Variants in FOXP2 observed in about 807,000 individuals in gnomAD.
FOXP2 encodes forkhead box protein P2.
Under a neutral mutation model 115.8 loss-of-function variants are expected in FOXP2, and 12 were observed. That is an observed-to-expected ratio of 0.10 (90% CI 0.07 to 0.17). FOXP2 has a LOEUF of 0.17. FOXP2 is among the 10% of genes least tolerant of loss of function. The pLI is 1.00. For missense variants in FOXP2, 629 were observed against 843.5 expected (o/e 0.75, Z 3.15); for synonymous variants, 328 against 297.7 (o/e 1.10, Z -1.05).
At chr7:114,269,664 A>T (rs1795987032) in intron 1 of FOXP2, among the ~76,000 whole-genome samples, 1 of 152,174 alleles carries the variant, frequency 6.6e-6, no homozygotes, top group African/African-American at 2.4e-5. Flanking sequence ...ATATTATTAA[A>T]TTATGATTCT....
intron 2 of FOXP2, among the ~76,000 whole-genome samples, chr7:114,451,002 A>G (rs565820798): frequency 6.6e-6 from 1 of 152,264 alleles, no homozygotes; most frequent in African/African-American, 2.4e-5. Context: ...TTACTCTTAA[A>G]ACAATGTTAT....
intron 2 of FOXP2, among the ~76,000 whole-genome samples, chr7:114,388,407 TAG>T (rs1562899111): frequency 6.7e-6 from 1 of 150,170 alleles, no homozygotes. Flanking sequence ...TTTTTTTTTT[TAG>T]TCTCTGAGAG....
At chr7:114,376,391 T>C (rs1424333810) in intron 2 of FOXP2, among the ~76,000 whole-genome samples, 2 of 152,240 alleles carry the variant, frequency 1.3e-5, no homozygotes, top group African/African-American at 4.8e-5. Flanking sequence ...AATGATGATT[T>C]CACCTACTCC....
At chr7:114,599,061 CT>C (rs1443085442) in intron 3 of FOXP2, among the ~76,000 whole-genome samples, 3 of 152,098 alleles carry the variant, frequency 2.0e-5, no homozygotes, top group Admixed American at 2.0e-4. Context: ...AATCCCTATA[CT>C]TTTTTATCCT....
Position 114,123,364 on chromosome 7 carries a change from AAAAG to A in FOXP2, c.-247+35542_-247+35545del, listed in dbSNP as rs1490046373. Among the ~76,000 whole-genome samples the A allele has an allele frequency of 6.6e-4, 100 of 151,212 alleles. 1 individual carries two copies. The highest frequency in any genetic ancestry group is 1.9e-3 in the African/African-American group (80 of 41,312). ...GCAAAGCCCTGTCAAAAAAAAAAAA[AAAAG>A]AAAGAAAGAAAGAAAAGCAACAAGA... On this transcript the variant is annotated intron_variant, in intron 1 of 19. Transcript: ENST00000635638.
At chr7:114,131,668 C>A (rs1309504098) in intron 1 of FOXP2, among the ~76,000 whole-genome samples, 2 of 152,142 alleles carry the variant, frequency 1.3e-5, no homozygotes, top group African/African-American at 4.8e-5. Context: ...GGACTTTTCC[C>A]TGTTTACTTG....
chr7:114,248,957 A>T (rs1301685200), intron 1 of FOXP2, among the ~76,000 whole-genome samples: 2 of 152,184 alleles, frequency 1.3e-5, no homozygotes, highest in East Asian at 3.8e-4. Context: ...GTTAACCCTG[A>T]CTTGTCATTC....
intron 3 of FOXP2, among the ~76,000 whole-genome samples, chr7:114,599,361 T>C (rs1174946231): frequency 6.6e-6 from 1 of 152,178 alleles, no homozygotes; most frequent in Non-Finnish European, 1.5e-5. Flanking sequence ...TACATTGACT[T>C]ATATTGATTT....
chr7:114,384,894 G>A (rs1792403939), intron 2 of FOXP2, among the ~76,000 whole-genome samples: 1 of 151,720 alleles, frequency 6.6e-6, no homozygotes, highest in African/African-American at 2.4e-5. Flanking sequence ...GATTTGCTAC[G>A]CCCTTATTTA....
intron 2 of FOXP2, among the ~76,000 whole-genome samples, chr7:114,462,817 A>C (rs1357240848): frequency 6.6e-6 from 1 of 152,196 alleles, no homozygotes; most frequent in Non-Finnish European, 1.5e-5. Context: ...GTGCTACCTG[A>C]TGTGCTAATA....
At chr7:114,662,371 G>GT (rs1243046514) in intron 14 of FOXP2, among the ~76,000 whole-genome samples, 185 bp downstream of exon 14, 3 of 151,862 alleles carry the variant, frequency 2.0e-5, no homozygotes, top group Non-Finnish European at 4.4e-5. Context: ...AATTTTTTCC[G>GT]TAAAAATCAT....
chr7:114,411,565 A>G (rs551860969), upstream of FOXP2, among the ~76,000 whole-genome samples: 6 of 152,232 alleles, frequency 3.9e-5, no homozygotes, highest in African/African-American at 1.2e-4. Flanking sequence ...TATGTATTTC[A>G]TCTTTTATCT....
chr7:114,161,587 A>G (rs1584515321), upstream of FOXP2, among the ~76,000 whole-genome samples: 1 of 151,826 alleles, frequency 6.6e-6, no homozygotes, highest in East Asian at 1.9e-4. Context: ...GTTTATGAGC[A>G]AAAACTAACT....
intron 1 of FOXP2, among the ~76,000 whole-genome samples, chr7:114,264,943 G>A (rs1351520033): frequency 6.6e-6 from 1 of 152,012 alleles, no homozygotes; most frequent in Non-Finnish European, 1.5e-5. Flanking sequence ...AAGCCATGAG[G>A]GATCCTCCCA....
chr7:114,432,144 G>C (rs1036944178), intron 2 of FOXP2, among the ~76,000 whole-genome samples: 1 of 151,966 alleles, frequency 6.6e-6, no homozygotes, highest in Non-Finnish European at 1.5e-5. Context: ...AGGTGTTTAA[G>C]AGGCCATTGG....
At chr7:114,558,863 T>A (rs1800602453) in intron 3 of FOXP2, among the ~76,000 whole-genome samples, 1 of 152,198 alleles carries the variant, frequency 6.6e-6, no homozygotes, top group Non-Finnish European at 1.5e-5. Flanking sequence ...TGGCTCCTAC[T>A]TGACTTTGCA....
At position 114,250,460 on chromosome 7, in the gene FOXP2, G is replaced by A. The variant is rs1390528157; in HGVS notation, c.-101-37559G>A. 3.3e-5 allele frequency among the ~76,000 whole-genome samples: 5 copies of A among 152,132 alleles called. No individual in the cohort carries two copies. The East Asian group carries it at 9.6e-4, about 29-fold the overall frequency. ...CTCCACATCTTCTCCAGCACCTGTT[G>A]TTTCCTGACTTTTTAATGATTGCCA... is the stretch of plus-strand genomic sequence containing the variant. On this transcript the variant is annotated intron_variant, in intron 1 of 17. Transcript: ENST00000634411.
chr7:114,572,532 A>G (rs2129296817), intron 3 of FOXP2, among the ~76,000 whole-genome samples: 1 of 151,996 alleles, frequency 6.6e-6, no homozygotes, highest in Middle Eastern at 3.4e-3. Flanking sequence ...TTAGGTAAAC[A>G]TCAAGTGCAA....
intron 1 of FOXP2, among the ~76,000 whole-genome samples, chr7:114,259,138 A>T (rs1795687488): frequency 6.6e-6 from 1 of 152,178 alleles, no homozygotes. Flanking sequence ...TTACATTTTG[A>T]TGACCATTTC....
Sources: gnomAD v4.1 joint callset for allele counts (sites outside exome capture counted in the v4.1 genomes callset) on GRCh38, gnomAD v4.1.1 for gene constraint, MANE v1.5 for transcripts, NCBI Gene and HGNC (gene_info 2026-07-23, HGNC 2026-07-21) for gene names.